Variants in NUBPL observed in about 807,000 individuals in gnomAD.
NUBPL encodes the protein iron-sulfur cluster transfer protein NUBPL.
A neutral mutation model predicts 45.7 loss-of-function variants in NUBPL; 31 were observed. That is an observed-to-expected ratio of 0.68 (90% CI 0.51 to 0.92). NUBPL has a LOEUF of 0.92. Ranked by LOEUF, NUBPL falls within the 40% of genes least tolerant of loss-of-function variation. The probability of loss-of-function intolerance (pLI) is 0.00; values close to 1 mark genes in which losing one functional copy is unlikely to be tolerated. For synonymous variants in NUBPL, 144 were observed against 140.9 expected (o/e 1.02, Z -0.15); for missense variants, 401 against 398.7 (o/e 1.01, Z -0.05).
intron 6 of NUBPL, among the ~76,000 whole-genome samples, chr14:31,740,088 G>A (rs968186487): frequency 6.6e-6 from 1 of 152,158 alleles, no homozygotes; most frequent in African/African-American, 2.4e-5. Flanking sequence ...CCAAGTTTTG[G>A]CAGTTATGAA....
At chr14:31,679,496 T>G (rs1282983225) in intron 6 of NUBPL, among the ~76,000 whole-genome samples, 4 of 152,184 alleles carry the variant, frequency 2.6e-5, no homozygotes, top group African/African-American at 9.7e-5. Context: ...TATACAGTTA[T>G]GTTAGCATCA....
chr14:31,693,136 A>T (rs2037129643), intron 6 of NUBPL, among the ~76,000 whole-genome samples: 1 of 152,216 alleles, frequency 6.6e-6, no homozygotes, highest in African/African-American at 2.4e-5. Flanking sequence ...AATTATTATT[A>T]TACCCAATGA....
At chr14:31,645,774 A>ACCCCC (rs35803247) in intron 4 of NUBPL, among the ~76,000 whole-genome samples, 2 of 82,822 alleles carry the variant, frequency 2.4e-5, no homozygotes, top group African/African-American at 4.5e-5. Context: ...TATACTTTAC[A>ACCCCC]CCCCCCCCCC....
In NUBPL at chr14:31,806,070, T is replaced by C. The variant is rs544603277; in HGVS notation, c.607+18197T>C. On this transcript the variant is annotated intron_variant, in intron 7 of 10. Transcript: ENST00000281081. ...TTAAACATTTATATGTAGAAAAAAA[T>C]ACAAATCCCACAGTTTAAAAAGTTG... Among the ~76,000 whole-genome samples the C allele has an allele frequency of 5.9e-5, 9 of 152,208 alleles. No individual in the cohort carries two copies. In the East Asian group the frequency reaches 9.6e-4, roughly 16 times the overall value.
chr14:31,846,977 AC>A (rs1290287566), intron 9 of NUBPL, among the ~76,000 whole-genome samples: 2 of 151,920 alleles, frequency 1.3e-5, no homozygotes, highest in African/African-American at 4.8e-5. Flanking sequence ...AAAACAAAAA[AC>A]AGTGTCTCTG....
Position 31,841,917 on chromosome 14 carries a change from C to CTTTTGTTTTTTTTTTTTTTTTTTT in NUBPL, c.694-4550_694-4549insGTTTTTTTTTTTTTTTTTTTTTTT. Among the ~76,000 whole-genome samples the CTTTTGTTTTTTTTTTTTTTTTTTT allele has an allele frequency of 7.6e-3, 326 of 43,046 alleles. 37 individuals are homozygous for CTTTTGTTTTTTTTTTTTTTTTTTT. The highest frequency in any genetic ancestry group is 0.012 in the South Asian group (12 of 1,034). The allele number at this position is 43,046 out of a possible 152,430, so 28.2% of individuals were successfully genotyped here. Reference sequence around the variant, plus strand: ...CTTTCATGTATGGGTCGATTCTGGGCTTTTTTTTTTTTTTTTTTTTTTTTT... The same window carrying CTTTTGTTTTTTTTTTTTTTTTTTT: ...CTTTCATGTATGGGTCGATTCTGGGCTTTTGTTTTTTTTTTTTTTTTTTTTTTTTTTTTTTTTTTTTTTTTTTTT... On this transcript the variant is annotated intron_variant, in intron 8 of 10. Transcript: ENST00000281081.
chr14:31,843,775 G>A (rs1315360142), intron 8 of NUBPL: 2 of 152,176 alleles, frequency 1.3e-5, no homozygotes, highest in Non-Finnish European at 2.9e-5. Context: ...TTTCTTCAAG[G>A]AAGCCCTCTC....
chr14:31,841,847 C>T (rs2040373142), intron 8 of NUBPL, among the ~76,000 whole-genome samples: 1 of 147,332 alleles, frequency 6.8e-6, no homozygotes, highest in South Asian at 2.1e-4. Context: ...ATATGGATAT[C>T]CAGTTAACAT....
At chr14:31,787,612 TC>T (rs2039307071) in intron 6 of NUBPL, among the ~76,000 whole-genome samples, 167 bp from the exon 7 acceptor site, 1 of 152,240 alleles carries the variant, frequency 6.6e-6, no homozygotes, top group Non-Finnish European at 1.5e-5. Context: ...GAAGGGCCTG[TC>T]ATTTATTCAT....
intron 4 of NUBPL, among the ~76,000 whole-genome samples, chr14:31,652,119 AAAAG>A (rs2036024277): frequency 1.3e-5 from 2 of 152,174 alleles, no homozygotes; most frequent in Admixed American, 6.5e-5. Flanking sequence ...TCAGCCTCAT[AAAAG>A]AAAGAAATTC....
chr14:31,589,389 T>G (rs942996752), intron 3 of NUBPL, among the ~76,000 whole-genome samples: 3 of 152,136 alleles, frequency 2.0e-5, no homozygotes, highest in African/African-American at 7.2e-5. Context: ...TTTCATACAT[T>G]TTATAGAAAA....
At chr14:31,671,678 A>G (rs1379976739) in intron 4 of NUBPL, among the ~76,000 whole-genome samples, 1 of 152,232 alleles carries the variant, frequency 6.6e-6, no homozygotes, top group Non-Finnish European at 1.5e-5. Context: ...CTTTCAAATT[A>G]GGTATGGGGA....
chr14:31,674,119 A>G (rs558599215), intron 6 of NUBPL, among the ~76,000 whole-genome samples: 16 of 152,338 alleles, frequency 1.1e-4, no homozygotes, highest in Non-Finnish European at 1.8e-4. Context: ...ATCTAAAAAT[A>G]TCAATTGGGC....
intron 6 of NUBPL, among the ~76,000 whole-genome samples, chr14:31,773,617 A>G (rs966025324): frequency 6.6e-6 from 1 of 152,220 alleles, no homozygotes; most frequent in Non-Finnish European, 1.5e-5. Flanking sequence ...CCACCAGGTT[A>G]GCTGCATCTC....
At chr14:31,570,312 G>A (rs2033548455) in intron 3 of NUBPL, among the ~76,000 whole-genome samples, 1 of 152,034 alleles carries the variant, frequency 6.6e-6, no homozygotes, top group East Asian at 1.9e-4. Flanking sequence ...ATTTAATAAG[G>A]TTTTATTAAT....
chr14:31,704,928 T>G (rs2037414893), intron 6 of NUBPL, among the ~76,000 whole-genome samples: 1 of 152,200 alleles, frequency 6.6e-6, no homozygotes, highest in Admixed American at 6.5e-5. Flanking sequence ...AGTTTGTTCC[T>G]TCAGATGTTC....
Position 31,683,352 on chromosome 14 carries a change from C to CTTTTTTT in NUBPL, c.513+9795_513+9801dup, listed in dbSNP as rs34890900. On this transcript the variant is annotated intron_variant, in intron 6 of 10. Transcript: ENST00000281081. ...CTTTTAAGCTAGTTAATAAAACAATCTTTTTTTTTTTTTTTTTTTTTTTGT... is the reference window on the plus strand; with the variant it reads ...CTTTTAAGCTAGTTAATAAAACAATCTTTTTTTTTTTTTTTTTTTTTTTTTTTTTTGT... Among the ~76,000 whole-genome samples the CTTTTTTT allele has an allele frequency of 1.5e-4, 14 of 91,030 alleles. 1 individual carries two copies. The highest frequency in any genetic ancestry group is 3.1e-4 in the Admixed American group (2 of 6,424). 59.7% of individuals were successfully genotyped at this position (91,030 alleles called of 152,430 possible).
Position 31,715,859 on chromosome 14 carries a change from A to G in NUBPL, c.513+42285A>G, listed in dbSNP as rs77051021. Among the ~76,000 whole-genome samples, 103 of 152,326 alleles carry G rather than the reference A, an allele frequency of 6.8e-4. 1 individual carries two copies. The highest frequency in any genetic ancestry group is 2.2e-3 in the African/African-American group (90 of 41,578). ...ATCTGCCTTAGCTTACTGTAACTTT[A>G]TTACTTCATAAACTTTTTAAGTTGC... On this transcript the variant is annotated intron_variant, in intron 6 of 10. Transcript: ENST00000281081.
intron 8 of NUBPL, among the ~76,000 whole-genome samples, chr14:31,833,406 T>C (rs952267820): frequency 5.1e-4 from 77 of 152,168 alleles, no homozygotes; most frequent in African/African-American, 1.7e-3. Flanking sequence ...TAAACACTAC[T>C]GTTTTTTGAG....
Sources: allele counts gnomAD v4.1 joint callset (sites outside exome capture counted in the v4.1 genomes callset), GRCh38; gene constraint gnomAD v4.1.1; transcripts MANE v1.5; gene names NCBI Gene and HGNC (gene_info 2026-07-23, HGNC 2026-07-21).